Variants in NSFL1C observed in about 807,000 individuals in gnomAD.
NSFL1C encodes NSFL1 cofactor p47.
NSFL1C carries 14 observed loss-of-function variants against 43.1 expected under a neutral mutation model. That is an observed-to-expected ratio of 0.32 (90% CI 0.21 to 0.51). The LOEUF (loss-of-function observed/expected upper bound fraction) is 0.51, where lower values mean the gene tolerates loss of function less well. NSFL1C is among the 20% of genes least tolerant of loss of function. The pLI, the probability that NSFL1C is intolerant of heterozygous loss-of-function variation, is 0.98. For synonymous variants in NSFL1C, 171 were observed against 183.5 expected (o/e 0.93, Z 0.55); for missense variants, 406 against 472.5 (o/e 0.86, Z 1.30).
chr20:1,460,672 C>G (rs1218417521), intron 2 of NSFL1C, among the ~76,000 whole-genome samples: 4 of 152,212 alleles, frequency 2.6e-5, no homozygotes, highest in Non-Finnish European at 4.4e-5. Context: ...GATGGAAATG[C>G]TCTATCTGCA....
chr20:1,446,674 A>G (rs2090066071), intron 7 of NSFL1C, among the ~76,000 whole-genome samples: 1 of 150,890 alleles, frequency 6.6e-6, no homozygotes, highest in Non-Finnish European at 1.5e-5. Flanking sequence ...TGACAAACAC[A>G]AAATGCACAT....
At chr20:1,453,831 G>A (rs2090235696) in intron 5 of NSFL1C, among the ~76,000 whole-genome samples, 1 of 151,554 alleles carries the variant, frequency 6.6e-6, no homozygotes, top group Non-Finnish European at 1.5e-5. Context: ...GGACAATGAG[G>A]AAAACTAAAA....
At chr20:1,451,069 G>C (rs1381274125) in intron 7 of NSFL1C, among the ~76,000 whole-genome samples, 1 of 151,938 alleles carries the variant, frequency 6.6e-6, no homozygotes, top group Non-Finnish European at 1.5e-5. Flanking sequence ...CTATTAAGAT[G>C]AACATGTATT....
intron 7 of NSFL1C, 100 bp from the exon 8 acceptor site, chr20:1,445,930 G>T: frequency 7.9e-7 from 1 of 1,258,680 alleles, no homozygotes; most frequent in Non-Finnish European, 1.1e-6. Flanking sequence ...CAATGCGCCT[G>T]GCATTGTTTG....
intron 2 of NSFL1C, among the ~76,000 whole-genome samples, chr20:1,460,129 A>G (rs1289194450): frequency 6.6e-6 from 1 of 152,170 alleles, no homozygotes; most frequent in Non-Finnish European, 1.5e-5. Flanking sequence ...ATTTTCTCAC[A>G]TGTAAATAAG....
intron 5 of NSFL1C, 34 bp from the exon 6 acceptor site, chr20:1,453,174 T>C (rs1469492205): frequency 2.4e-6 from 3 of 1,240,628 alleles, no homozygotes; most frequent in Non-Finnish European, 3.6e-6. Context: ...TTACCAGGGA[T>C]CTGGCAAGCA....
At chr20:1,455,849 C>A in intron 3 of NSFL1C, 1 of 735,736 alleles carries the variant, frequency 1.4e-6, no homozygotes, top group Non-Finnish European at 2.5e-6. Flanking sequence ...CCTTGCCATT[C>A]ATGTGACACA....
Position 1,452,428 on chromosome 20 carries a change from C to T in NSFL1C, c.785+65G>A, listed in dbSNP as rs1035548390. ...GCTAATAACCAAAGTGAGTGATACACAGGGTCTGCTGGGCTTGGCAGGTGT... is the reference window on the plus strand; with the variant it reads ...GCTAATAACCAAAGTGAGTGATACATAGGGTCTGCTGGGCTTGGCAGGTGT... On this transcript the variant is annotated intron_variant, in intron 7 of 8. Coordinates refer to ENST00000216879, the MANE Select transcript of NSFL1C (RefSeq NM_016143.5). The T allele has an allele frequency of 4.4e-6, 7 of 1,580,650 alleles. No individual in the cohort carries two copies. The Admixed American group carries it at 1.1e-4, about 24-fold the overall frequency.
chr20:1,449,328 C>T (rs1244178832), intron 7 of NSFL1C, among the ~76,000 whole-genome samples: 1 of 152,216 alleles, frequency 6.6e-6, no homozygotes, highest in East Asian at 1.9e-4. Context: ...TATCAGCTGC[C>T]ATGGGCTGTA....
At chr20:1,466,488 G>A (rs1353879808) in intron 1 of NSFL1C, among the ~76,000 whole-genome samples, 2 of 152,216 alleles carry the variant, frequency 1.3e-5, no homozygotes, top group African/African-American at 4.8e-5. Context: ...GCCGCAAGCG[G>A]GCGAGGCAGG....
chr20:1,455,177 A>T (rs779201692), intron 3 of NSFL1C, 45 bp from the exon 4 acceptor site: 2 of 1,608,510 alleles, frequency 1.2e-6, no homozygotes, highest in Non-Finnish European at 1.7e-6. Flanking sequence ...CATGGAAAAC[A>T]TGAATAGAGC....
At position 1,452,488 on chromosome 20, in the gene NSFL1C, C is replaced by T; in HGVS notation, c.785+5G>A. 6.2e-7 allele frequency: 1 copy of T among 1,614,070 alleles called. No homozygotes were observed. Among genetic ancestry groups the T allele is most frequent in the Non-Finnish European group, 8.5e-7 (1 of 1,179,920 alleles). The stretch of plus-strand genomic sequence containing the variant: ...AGTCTGGCTCTAACCTGTGCTGCCC[C>T]TTACCTGCCCAGTTTCTGACCCTCG... On this transcript the variant is annotated splice_donor_5th_base_variant and intron_variant, in intron 7 of 8. Coordinates refer to ENST00000216879, the MANE Select transcript of NSFL1C (RefSeq NM_016143.5).
intron 7 of NSFL1C, among the ~76,000 whole-genome samples, chr20:1,449,627 G>T (rs1318723178): frequency 6.6e-6 from 1 of 152,146 alleles, no homozygotes; most frequent in Non-Finnish European, 1.5e-5. Flanking sequence ...TTGATTCACA[G>T]GCAGGAAAGG....
At chr20:1,444,554 T>G (rs1041729811) in intron 8 of NSFL1C, among the ~76,000 whole-genome samples, 1 of 152,216 alleles carries the variant, frequency 6.6e-6, no homozygotes, top group African/African-American at 2.4e-5. Context: ...TGAAACCACC[T>G]GGAAACAATG....
rs2122975851 is a variant in NSFL1C at position 1,465,953 on chromosome 20, G to A, written c.105+767C>T. Among the ~76,000 whole-genome samples the A allele has an allele frequency of 2.0e-5, 3 of 152,296 alleles. No individual in the cohort carries two copies. In the South Asian group the frequency reaches 6.2e-4, roughly 32 times the overall value. On this transcript the variant is annotated intron_variant, in intron 1 of 8. Coordinates refer to ENST00000216879, the MANE Select transcript of NSFL1C (RefSeq NM_016143.5). ...TCAGAACAGCGCTTGGCTCATGGTA[G>A]GTACTCAATAAATATTAGTCATCAC... is the stretch of plus-strand genomic sequence containing the variant.
intron 7 of NSFL1C, among the ~76,000 whole-genome samples, chr20:1,450,283 T>A (rs1881323170): frequency 6.6e-6 from 1 of 151,930 alleles, no homozygotes; most frequent in Admixed American, 6.6e-5. Context: ...AAAGCAGCTG[T>A]CCTGATTTAG....
chr20:1,448,964 T>C (rs1181428506), intron 7 of NSFL1C, among the ~76,000 whole-genome samples: 4 of 152,172 alleles, frequency 2.6e-5, no homozygotes, highest in African/African-American at 4.8e-5. Context: ...ACTTCCCAGA[T>C]ACTTGAGAAA....
At chr20:1,444,986 G>A (rs1320229839) in intron 8 of NSFL1C, among the ~76,000 whole-genome samples, 1 of 152,218 alleles carries the variant, frequency 6.6e-6, no homozygotes, top group Admixed American at 6.5e-5. Context: ...CCACATGTGG[G>A]TGCTGGCTTA....
Position 1,452,577 on chromosome 20 carries a change from T to C in NSFL1C, c.701A>G (p.Asp234Gly). 1 of 1,614,112 alleles carries C rather than the reference T, an allele frequency of 6.2e-7. No homozygotes were observed. The highest frequency in any genetic ancestry group is 8.5e-7 in the Non-Finnish European group (1 of 1,180,028). ...GTCCTCGTCCCGATGGTCCTCCATA[T>C]CCAAGTTCACCTGTCCACCGTGAGC... ...RLAHGGQVNL[D>G]MEDHRDEDFV... The change falls in exon 7 of 9, where the codon GAT (aspartate) becomes GGT (glycine). Residue 234 changes from aspartate to glycine, a missense_variant. This residue lies in a region of NSFL1C where 196 missense variants were observed against 228.0 expected (regional missense o/e 0.86). Transcript: ENST00000216879.
Sources: allele counts gnomAD v4.1 joint callset (sites outside exome capture counted in the v4.1 genomes callset), GRCh38; gene constraint gnomAD v4.1.1; regional missense constraint gnomAD v4.1.1; transcripts MANE v1.5; gene names NCBI Gene and HGNC (gene_info 2026-07-23, HGNC 2026-07-21).